Variants in DEF8 observed in about 807,000 individuals in gnomAD.
DEF8 encodes differentially expressed in FDCP 8 homolog.
Under a neutral mutation model 59.1 loss-of-function variants are expected in DEF8, and 38 were observed. The observed-to-expected ratio is 0.64, with a 90% confidence interval of 0.50 to 0.84. The LOEUF (loss-of-function observed/expected upper bound fraction) is 0.84, where lower values mean the gene tolerates loss of function less well. DEF8 is among the 40% of genes least tolerant of loss of function. DEF8 has a pLI of 0.00. For missense variants in DEF8, 557 were observed against 615.2 expected (o/e 0.91, Z 1.00); for synonymous variants, 265 against 250.1 (o/e 1.06, Z -0.56).
Position 89,955,390 on chromosome 16 carries a change from C to A in DEF8, c.222+124C>A. On this transcript the variant is annotated intron_variant, in intron 4 of 12. Coordinates refer to ENST00000563594, the MANE Select transcript of DEF8 (RefSeq NM_001242818.2). ...TGTCCTGTGAGCTGGGGTACAGTCT[C>A]ACTCCATTGTCAGGCTCAGCAGCCC... 15 of 774,250 alleles carry A rather than the reference C, an allele frequency of 1.9e-5. 1 individual carries two copies. In the South Asian group the frequency reaches 2.4e-4, roughly 12 times the overall value. 48.0% of individuals were successfully genotyped at this position (774,250 alleles called of 1,614,324 possible).
At position 89,961,735 on chromosome 16, in the gene DEF8, A is replaced by G; in HGVS notation, c.680-2A>G. ...ACACTCAGGGCCCCTCTGACCCTGC[A>G]GGGGGTGTGCCCAGTGAGGCCAGGC... is the stretch of plus-strand genomic sequence containing the variant. On this transcript the variant is annotated splice_acceptor_variant, in intron 7 of 12. Transcript: ENST00000563594. LOFTEE classifies it high-confidence loss of function. 1.2e-6 allele frequency: 2 copies of G among 1,613,216 alleles called. No individual in the cohort carries two copies. Among genetic ancestry groups the G allele is most frequent in the Non-Finnish European group, 1.7e-6 (2 of 1,179,972 alleles).
Position 89,962,108 on chromosome 16 carries a change from G to T in DEF8, c.904G>T (p.Glu302Ter). The T allele has an allele frequency of 6.2e-7, 1 of 1,613,836 alleles. No individual in the cohort carries two copies. The highest frequency in any genetic ancestry group is 8.5e-7 in the Non-Finnish European group (1 of 1,179,830). Reference sequence around the variant, plus strand: ...CCCTCTGCTGTTCAGCTACGTGGAGGAGCTGGTGGAGATTCGCGTGAGGCT... The same window carrying T: ...CCCTCTGCTGTTCAGCTACGTGGAGTAGCTGGTGGAGATTCGCGTGAGGCT... ...INPLLFSYVE[E>*]LVEIRKLRQD... is the part of the protein sequence containing the mutation. Residue 302 changes from glutamate to a stop codon, truncating the protein, a stop_gained, in exon 9 of 13, where the codon GAG becomes TAG. Coordinates refer to ENST00000563594, the MANE Select transcript of DEF8 (RefSeq NM_001242818.2). LOFTEE classifies it high-confidence loss of function.
intron 5 of DEF8, among the ~76,000 whole-genome samples, chr16:89,958,727 C>G (rs62052240): frequency 3.9e-5 from 6 of 152,158 alleles, no homozygotes; most frequent in Non-Finnish European, 8.8e-5. Flanking sequence ...GGGTCGCTCC[C>G]GCTCACATGC....
intron 7 of DEF8, 115 bp downstream of exon 7, chr16:89,961,210 C>A: frequency 7.4e-7 from 1 of 1,346,714 alleles, no homozygotes; most frequent in Non-Finnish European, 1.0e-6. Flanking sequence ...TGGGGCAGTG[C>A]CTGCTTGATA....
At chr16:89,951,776 C>A (rs1464350690) in intron 2 of DEF8, among the ~76,000 whole-genome samples, 2 of 152,126 alleles carry the variant, frequency 1.3e-5, no homozygotes, top group East Asian at 3.8e-4. Flanking sequence ...CAGCCCCTAC[C>A]TTTAAGGACA....
Position 89,948,820 on chromosome 16 carries a change from C to G in DEF8, c.-108+6C>G. Reference sequence around the variant, plus strand: ...AGATGCGAGGCGGCGGTCAGGTGAGCGGCGCGGGGCCGGCGGGGTCGGGGC... The same window carrying G: ...AGATGCGAGGCGGCGGTCAGGTGAGGGGCGCGGGGCCGGCGGGGTCGGGGC... On this transcript the variant is annotated splice_donor_region_variant and intron_variant, in intron 1 of 12. Coordinates refer to ENST00000563594, the MANE Select transcript of DEF8 (RefSeq NM_001242818.2). 2 of 965,824 alleles carry G rather than the reference C, an allele frequency of 2.1e-6. No homozygotes were observed. Among genetic ancestry groups the G allele is most frequent in the Non-Finnish European group, 2.4e-6 (2 of 824,430 alleles). 59.8% of individuals were successfully genotyped at this position (965,824 alleles called of 1,614,324 possible).
At chr16:89,964,065 C>G (rs774110777) in intron 10 of DEF8, 105 bp from the exon 11 acceptor site, 5 of 1,466,234 alleles carry the variant, frequency 3.4e-6, no homozygotes, top group South Asian at 2.3e-5. Context: ...TTGTGTAGCT[C>G]GTTTCTCTGT....
chr16:89,957,729 C>G, intron 5 of DEF8, 69 bp downstream of exon 5: 4 of 1,450,680 alleles, frequency 2.8e-6, no homozygotes, highest in East Asian at 2.5e-5. Context: ...CTAGGAGGAC[C>G]CTGCCAGCCT....
In DEF8 at chr16:89,954,536, G is replaced by T. The variant is rs2032788972; in HGVS notation, c.124+160G>T. On this transcript the variant is annotated intron_variant, in intron 3 of 12. Transcript: ENST00000563594. This position sits in a 1 kb window ranked among gnomAD's most constrained non-coding sequence, Gnocchi z 4.3. ...TTCCCATCTCTTCTGTGGTCGTGTG[G>T]TTTGTTTCTGTGTCCCCACTAGAAT... Among the ~76,000 whole-genome samples, 1 of 152,182 alleles carries T rather than the reference G, an allele frequency of 6.6e-6. No individual in the cohort carries two copies. The highest frequency in any genetic ancestry group is 1.5e-5 in the Non-Finnish European group (1 of 68,026).
chr16:89,957,367 A>G, intron 4 of DEF8, 144 bp from the exon 5 acceptor site: 1 of 875,886 alleles, frequency 1.1e-6, no homozygotes, highest in Admixed American at 3.1e-5. Context: ...GCCCTGGAGC[A>G]AGTCCTCGGT....
In DEF8 at chr16:89,966,723, GCCC is replaced by G. The variant is rs1356585814; in HGVS notation, c.*762_*764del. 1.3e-5 allele frequency: 2 copies of G among 152,806 alleles called. No individual in the cohort carries two copies. Among genetic ancestry groups the G allele is most frequent in the Non-Finnish European group, 2.9e-5 (2 of 68,178 alleles). 9.5% of individuals were successfully genotyped at this position (152,806 alleles called of 1,614,324 possible). On this transcript the variant is annotated 3_prime_UTR_variant, in exon 13 of 13. Coordinates refer to ENST00000563594, the MANE Select transcript of DEF8 (RefSeq NM_001242818.2). ...TGGTGCTCCAAGCTAGGAGGCTGTG[GCCC>G]CAGCCTGAGGAGGGTGTCCTGGCCT...
intron 2 of DEF8, 30 bp downstream of exon 2, chr16:89,949,543 G>A (rs2031561188): frequency 2.5e-6 from 4 of 1,613,336 alleles, no homozygotes; most frequent in African/African-American, 1.3e-5. Context: ...TGTTGACTCC[G>A]CACACCGGGG....
intron 9 of DEF8, among the ~76,000 whole-genome samples, chr16:89,962,847 T>C (rs1299776748): frequency 6.6e-6 from 1 of 152,254 alleles, no homozygotes; most frequent in Non-Finnish European, 1.5e-5. Flanking sequence ...CAGCGGCCAC[T>C]TTGAGGTGCT....
At chr16:89,960,827 G>T (rs2151197466) in intron 6 of DEF8, 104 bp from the exon 7 acceptor site, 1 of 1,204,894 alleles carries the variant, frequency 8.3e-7, no homozygotes, top group East Asian at 2.4e-5. Context: ...ATTGATCTGG[G>T]CCTCAGAGTG....
chr16:89,957,512 G>T lies in DEF8; in HGVS notation c.224G>T (p.Gly75Val), dbSNP rs983581194. Residue 75 changes from glycine to valine, a missense_variant and splice_region_variant, in exon 5 of 13, where the codon GGT becomes GTT. By Grantham distance (109) the Gly-to-Val change is moderately radical. Coordinates refer to ENST00000563594, the MANE Select transcript of DEF8 (RefSeq NM_001242818.2). ...LSEDHFSRPVGLFLASDVQQL... is the reference protein window; with the variant it reads ...LSEDHFSRPVVLFLASDVQQL... ...TGCCCCCGCCCCCAACCTGGGCAGGGTCTGTTCCTGGCCTCTGACGTCCAG... is the reference window on the plus strand; with the variant it reads ...TGCCCCCGCCCCCAACCTGGGCAGGTTCTGTTCCTGGCCTCTGACGTCCAG... The T allele has an allele frequency of 2.5e-6, 4 of 1,583,318 alleles. No individual in the cohort carries two copies. Among genetic ancestry groups the T allele is most frequent in the Non-Finnish European group, 3.4e-6 (4 of 1,165,106 alleles).
chr16:89,956,017 G>T (rs1433498415), intron 4 of DEF8, among the ~76,000 whole-genome samples: 2 of 152,144 alleles, frequency 1.3e-5, no homozygotes, highest in Admixed American at 1.3e-4. Context: ...AGTTTGCAGT[G>T]AGCCGAGACT....
chr16:89,963,885 G>C (rs556787987), intron 10 of DEF8: 55 of 545,178 alleles, frequency 1.0e-4, no homozygotes, highest in African/African-American at 1.0e-3. Flanking sequence ...AGAGAAGGAA[G>C]GGTGGGGAAT....
At chr16:89,963,219 G>T in intron 9 of DEF8, 144 bp from the exon 10 acceptor site, 2 of 608,202 alleles carry the variant, frequency 3.3e-6, no homozygotes, top group South Asian at 2.1e-5. Flanking sequence ...CTGTGATTTT[G>T]GGTTTTGGTG....
chr16:89,949,960 C>A, intron 2 of DEF8: 1 of 931,472 alleles, frequency 1.1e-6, no homozygotes, highest in South Asian at 3.5e-5. Flanking sequence ...GAAGCTAAGG[C>A]TGCGAGGCCA....
Sources: allele counts gnomAD v4.1 joint callset (sites outside exome capture counted in the v4.1 genomes callset), GRCh38; gene constraint gnomAD v4.1.1; non-coding constraint Gnocchi (gnomAD v3.1); transcripts MANE v1.5; gene names NCBI Gene and HGNC (gene_info 2026-07-23, HGNC 2026-07-21).